The following CFAP46 variants were observed in gnomAD, a reference collection of about 807,000 sequenced individuals.
CFAP46 encodes cilia- and flagella-associated protein 46.
A neutral mutation model predicts 325.7 loss-of-function variants in CFAP46; 245 were observed. The observed-to-expected ratio is 0.75, with a 90% CI of 0.68 to 0.84. The LOEUF is 0.84. Ranked by LOEUF, CFAP46 falls within the 40% of genes least tolerant of loss-of-function variation. The probability of loss-of-function intolerance (pLI) is 0.00; values close to 1 mark genes in which losing one functional copy is unlikely to be tolerated. For synonymous variants in CFAP46, 1,523 were observed against 1,495.9 expected, an observed-to-expected ratio of 1.02 and a Z score of -0.42; for missense variants, 3,346 against 3,543.0, an observed-to-expected ratio of 0.94 and a Z score of 1.41.
intron 9 of CFAP46, among the ~76,000 whole-genome samples, chr10:132,926,979 G>A (rs568825826): frequency 6.6e-5 from 10 of 152,318 alleles, no homozygotes; most frequent in African/African-American, 1.9e-4. Flanking sequence ...GCTGCTTGGC[G>A]GCCCGGGGCT....
At position 132,876,796 on chromosome 10, in the gene CFAP46, C is replaced by T. The variant is rs1479264478; in HGVS notation, c.4362+16G>A. On this transcript the variant is annotated intron_variant, in intron 31 of 57. Transcript: ENST00000368586. The surrounding 1 kb of genome is among the most constrained non-coding windows in gnomAD (Gnocchi z 4.1). Reference sequence around the variant, plus strand: ...CTGTGACCAAGGTCTTGAGCCTTTTCTTTATGTCAACGTACCGGCTTCTGG... The same window carrying T: ...CTGTGACCAAGGTCTTGAGCCTTTTTTTTATGTCAACGTACCGGCTTCTGG... 12 of 1,545,752 alleles carry T rather than the reference C, an allele frequency of 7.8e-6. No individual in the cohort carries two copies. In the South Asian group the frequency reaches 1.4e-4, roughly 19 times the overall value.
At position 132,940,894 on chromosome 10, in the gene CFAP46, A is replaced by AG. The variant is rs1850087725; in HGVS notation, c.371+101dup. On this transcript the variant is annotated intron_variant, in intron 4 of 57. Coordinates refer to ENST00000368586, the MANE Select transcript of CFAP46 (RefSeq NM_001200049.3). Reference sequence around the variant, plus strand: ...GCATGAAAATCACAGACCACAAACGAGGGGAAACCCCACAGTTCAAATAAA... The same window carrying AG: ...GCATGAAAATCACAGACCACAAACGAGGGGGAAACCCCACAGTTCAAATAAA... 3 of 1,182,670 alleles carry AG rather than the reference A, an allele frequency of 2.5e-6. No homozygotes were observed. In the Admixed American group the frequency reaches 5.5e-5, roughly 21 times the overall value. The allele number at this position is 1,182,670 out of a possible 1,614,324, so 73.3% of individuals were successfully genotyped here. A position where few individuals can be genotyped will look rare whatever the true frequency, so the allele number is the denominator to read the frequency against.
Position 132,827,712 on chromosome 10 carries a change from G to A in CFAP46, c.7117+5646C>T, listed in dbSNP as rs1006397992. On this transcript the variant is annotated intron_variant, in intron 50 of 57. Coordinates refer to ENST00000368586, the MANE Select transcript of CFAP46 (RefSeq NM_001200049.3). This position sits in a 1 kb window ranked among gnomAD's most constrained non-coding sequence, Gnocchi z 5.7. Reference sequence around the variant, plus strand: ...AAGGTCACGGCACACCCAGCCCCAGGAGCTTCCCCAAAATGCCTGCAACCC... The same window carrying A: ...AAGGTCACGGCACACCCAGCCCCAGAAGCTTCCCCAAAATGCCTGCAACCC... 1.3e-5 allele frequency among the ~76,000 whole-genome samples: 2 copies of A among 152,006 alleles called. No individual in the cohort carries two copies. The highest frequency in any genetic ancestry group is 4.8e-5 in the African/African-American group (2 of 41,398).
intron 44 of CFAP46, among the ~76,000 whole-genome samples, chr10:132,838,112 A>C (rs1337749959): frequency 6.6e-6 from 1 of 152,242 alleles, no homozygotes; most frequent in Non-Finnish European, 1.5e-5. Flanking sequence ...TGCAGGCAGC[A>C]GCTCCGGCCC....
intron 9 of CFAP46, chr10:132,929,293 T>C (rs912015464): frequency 3.4e-6 from 2 of 595,964 alleles, no homozygotes; most frequent in African/African-American, 3.7e-5. Flanking sequence ...AATAGCTTAA[T>C]ATTTTCATAC....
At chr10:132,909,279 A>G in intron 20 of CFAP46, 35 bp from the exon 21 acceptor site, 1 of 1,451,482 alleles carries the variant, frequency 6.9e-7, no homozygotes, top group Non-Finnish European at 9.5e-7. Flanking sequence ...TATCAGCCCA[A>G]GCGTGCGGGG....
chr10:132,857,821 A>G, intron 38 of CFAP46, 33 bp from the exon 39 acceptor site: 1 of 1,423,386 alleles, frequency 7.0e-7, no homozygotes, highest in Non-Finnish European at 9.4e-7. Flanking sequence ...ATTTTAAAAC[A>G]TTATGTTATT....
At chr10:132,901,002 C>T (rs774775877) in intron 22 of CFAP46, among the ~76,000 whole-genome samples, 8 of 152,220 alleles carry the variant, frequency 5.3e-5, no homozygotes, top group South Asian at 2.1e-4. Context: ...ATGTCTACCT[C>T]GGATCGCGTG....
Position 132,847,640 on chromosome 10 carries a change from G to A in CFAP46, c.5953-319C>T, listed in dbSNP as rs950033655. On this transcript the variant is annotated intron_variant, in intron 41 of 57. Transcript: ENST00000368586. This position sits in a 1 kb window ranked among gnomAD's most constrained non-coding sequence, Gnocchi z 5.2. Reference sequence around the variant, plus strand: ...CTGGAATCCAACACATTCCCAGGGGGCTCTCGTTCCTGTCCTTTGGAAACA... The same window carrying A: ...CTGGAATCCAACACATTCCCAGGGGACTCTCGTTCCTGTCCTTTGGAAACA... Among the ~76,000 whole-genome samples, 4 of 152,004 alleles carry A rather than the reference G, an allele frequency of 2.6e-5. No individual in the cohort carries two copies. In the South Asian group the frequency reaches 8.3e-4, roughly 32 times the overall value.
At chr10:132,910,577 C>A (rs1849527008) in intron 19 of CFAP46, among the ~76,000 whole-genome samples, 1 of 152,220 alleles carries the variant, frequency 6.6e-6, no homozygotes, top group Non-Finnish European at 1.5e-5. Flanking sequence ...TTCCTCATCT[C>A]TATGTAGAAA....
rs560658780 is a variant in CFAP46, at chr10:132,816,493, G to A, written c.7118-1579C>T. 1.2e-4 allele frequency among the ~76,000 whole-genome samples: 18 copies of A among 151,934 alleles called. No homozygotes were observed. The South Asian group carries it at 2.3e-3, about 19-fold the overall frequency. ...ATTACAAGTACCCGCCACCACGCCC[G>A]GCTAATTTTGTGTATTTTTAGTAGA... On this transcript the variant is annotated intron_variant, in intron 50 of 57. Transcript: ENST00000368586.
Position 132,847,376 on chromosome 10 carries a change from TG to T in CFAP46, c.5953-56del. 6.2e-7 allele frequency: 1 copy of T among 1,600,046 alleles called. No homozygotes were observed. The highest frequency in any genetic ancestry group is 2.2e-5 in the East Asian group (1 of 44,608). ...CTTCTGGGTTCCTGCTTGGTCGGCGTGGGGAGGGCCCACCCAGGGAGGCCGG... is the reference window on the plus strand; with the variant it reads ...CTTCTGGGTTCCTGCTTGGTCGGCGTGGGAGGGCCCACCCAGGGAGGCCGG... On this transcript the variant is annotated intron_variant, in intron 41 of 57. Transcript: ENST00000368586. The surrounding 1 kb of genome is among the most constrained non-coding windows in gnomAD (Gnocchi z 5.2).
chr10:132,916,742 A>G, intron 16 of CFAP46, 60 bp from the exon 17 acceptor site: 1 of 1,405,794 alleles, frequency 7.1e-7, no homozygotes, highest in Non-Finnish European at 9.3e-7. Flanking sequence ...AGCACCAGAT[A>G]GGAAACACAC....
chr10:132,864,531 A>G (rs1848780285), intron 35 of CFAP46, among the ~76,000 whole-genome samples: 2 of 121,130 alleles, frequency 1.7e-5, no homozygotes, highest in Non-Finnish European at 3.3e-5. Flanking sequence ...CCTGCCTGAG[A>G]CCTGCACACA....
intron 41 of CFAP46, among the ~76,000 whole-genome samples, chr10:132,849,959 G>A (rs973480469): frequency 2.7e-5 from 4 of 149,402 alleles, no homozygotes; most frequent in African/African-American, 2.4e-5. Context: ...TGATTGGGGC[G>A]GGCCGCGTGC....
rs1849098722 is a variant in CFAP46, at chr10:132,884,878, C to T, written c.3627+225G>A. Among the ~76,000 whole-genome samples, 1 of 152,166 alleles carries T rather than the reference C, an allele frequency of 6.6e-6. No homozygotes were observed. Among genetic ancestry groups the T allele is most frequent in the Non-Finnish European group, 1.5e-5 (1 of 68,014 alleles). ...TCAGGGACGAGGACCTGACCACGAC[C>T]CCTCCATGCTGGAAAGGGACCACTG... On this transcript the variant is annotated intron_variant, in intron 27 of 57. Coordinates refer to ENST00000368586, the MANE Select transcript of CFAP46 (RefSeq NM_001200049.3). The surrounding 1 kb of genome is among the most constrained non-coding windows in gnomAD (Gnocchi z 5.4).
Position 132,847,454 on chromosome 10 carries a change from A to T in CFAP46, c.5953-133T>A. The T allele has an allele frequency of 9.7e-7, 1 of 1,026,048 alleles. No individual in the cohort carries two copies. The highest frequency in any genetic ancestry group is 1.5e-6 in the Non-Finnish European group (1 of 686,754). The allele number at this position is 1,026,048 out of a possible 1,614,324, so 63.6% of individuals were successfully genotyped here. A position where few individuals can be genotyped will look rare whatever the true frequency, so the allele number is the denominator to read the frequency against. On this transcript the variant is annotated intron_variant, in intron 41 of 57. Transcript: ENST00000368586. The surrounding 1 kb of genome is among the most constrained non-coding windows in gnomAD (Gnocchi z 5.2). ...CCGGGTAGGGGGTACCGCAGGCCACAGCATGGCCTCTCACTATCCCAAACC... is the reference window on the plus strand; with the variant it reads ...CCGGGTAGGGGGTACCGCAGGCCACTGCATGGCCTCTCACTATCCCAAACC...
intron 33 of CFAP46, among the ~76,000 whole-genome samples, chr10:132,867,820 C>T (rs950425107): frequency 1.3e-5 from 2 of 152,086 alleles, no homozygotes; most frequent in African/African-American, 4.8e-5. Context: ...CCCGCGGGCA[C>T]CCCCACCGGA....
chr10:132,818,256 C>G (rs1405505227), intron 50 of CFAP46, among the ~76,000 whole-genome samples: 2 of 151,618 alleles, frequency 1.3e-5, no homozygotes, highest in Non-Finnish European at 2.9e-5. Context: ...CAGCTGGATC[C>G]CCTCGTAGAA....
Sources: allele counts gnomAD v4.1 joint callset (sites outside exome capture counted in the v4.1 genomes callset), GRCh38; gene constraint gnomAD v4.1.1; non-coding constraint Gnocchi (gnomAD v3.1); transcripts MANE v1.5; gene names NCBI Gene and HGNC (gene_info 2026-07-23, HGNC 2026-07-21).